Variants in MALRD1 observed in about 807,000 individuals in gnomAD.
MALRD1 encodes the protein MAM and LDL-receptor class A domain-containing protein 1.
Under a neutral mutation model 242.1 loss-of-function variants are expected in MALRD1, and 247 were observed. The ratio of observed to expected loss-of-function variants is 1.02; its 90% CI spans 0.92 to 1.13. The LOEUF (loss-of-function observed/expected upper bound fraction) is 1.13, where lower values mean the gene tolerates loss of function less well. MALRD1 is among the 50% of genes most tolerant of loss of function. The pLI, the probability that MALRD1 is intolerant of heterozygous loss-of-function variation, is 0.00. For synonymous variants in MALRD1, 995 were observed against 866.6 expected (o/e 1.15, Z -2.60); for missense variants, 2,989 against 2,533.1 (o/e 1.18, Z -3.86).
chr10:19,152,861 C>G (rs1833994223), intron 11 of MALRD1, among the ~76,000 whole-genome samples: 1 of 151,938 alleles, frequency 6.6e-6, no homozygotes, highest in Non-Finnish European at 1.5e-5. Flanking sequence ...TAATATTAGT[C>G]TAAGATTATA....
Position 19,560,958 on chromosome 10 carries a change from TA to T in MALRD1, c.5479-6537del, listed in dbSNP as rs1253709108. On this transcript the variant is annotated intron_variant, in intron 32 of 39. Transcript: ENST00000454679. ...ATGTATCCCAAAACTTAAAGTATAA[TA>T]AAAAAATGATAATCATACTAAAGGA... Among the ~76,000 whole-genome samples, 3 of 151,932 alleles carry T rather than the reference TA, an allele frequency of 2.0e-5. No individual in the cohort carries two copies. The East Asian group carries it at 5.8e-4, about 29-fold the overall frequency.
chr10:19,479,773 A>G (rs1455287772), intron 29 of MALRD1, among the ~76,000 whole-genome samples: 1 of 152,132 alleles, frequency 6.6e-6, no homozygotes, highest in African/African-American at 2.4e-5. Flanking sequence ...CGGCTTTTCT[A>G]TTGAATTTAC....
chr10:19,667,508 C>CA, intron 36 of MALRD1, among the ~76,000 whole-genome samples: 1 of 152,120 alleles, frequency 6.6e-6, no homozygotes, highest in Middle Eastern at 3.4e-3. Flanking sequence ...GTCATGGGGA[C>CA]AGATTCTTTG....
At chr10:19,577,292 G>T (rs76117658) in intron 33 of MALRD1, among the ~76,000 whole-genome samples, 1 of 152,160 alleles carries the variant, frequency 6.6e-6, no homozygotes, top group East Asian at 1.9e-4. Flanking sequence ...TATTATTGTG[G>T]GTCATGAAGT....
chr10:19,667,660 G>A (rs545305843), intron 36 of MALRD1, among the ~76,000 whole-genome samples: 53 of 152,058 alleles, frequency 3.5e-4, no homozygotes, highest in Non-Finnish European at 6.0e-4. Flanking sequence ...TGTAATGTGC[G>A]GGCTTCCCCT....
Position 19,155,058 on chromosome 10 carries a change from T to A in MALRD1, c.1559-17T>A. On this transcript the variant is annotated splice_polypyrimidine_tract_variant and intron_variant, in intron 11 of 39. Transcript: ENST00000454679. ...AAGAGAACTTGCATCCCTATGACTT[T>A]CCCTTTGTTTTTTCAGGATCGTTTA... The A allele has an allele frequency of 8.1e-7, 1 of 1,227,778 alleles. No individual in the cohort carries two copies. Among genetic ancestry groups the A allele is most frequent in the Non-Finnish European group, 1.0e-6 (1 of 984,426 alleles). The allele number at this position is 1,227,778 out of a possible 1,614,324, so 76.1% of individuals were successfully genotyped here. A position where few individuals can be genotyped will look rare whatever the true frequency, so the allele number is the denominator to read the frequency against.
chr10:19,437,607 C>T (rs1834402531), intron 28 of MALRD1, among the ~76,000 whole-genome samples: 1 of 152,068 alleles, frequency 6.6e-6, no homozygotes, highest in East Asian at 1.9e-4. Context: ...CTTGTCTTTT[C>T]ACTCACAATA....
chr10:19,705,635 A>G (rs925871805), intron 38 of MALRD1, among the ~76,000 whole-genome samples: 3 of 152,004 alleles, frequency 2.0e-5, no homozygotes, highest in African/African-American at 7.3e-5. Context: ...TTAGGCCACC[A>G]GCATGATTCC....
At chr10:19,242,198 C>A (rs1432798665) in intron 18 of MALRD1, among the ~76,000 whole-genome samples, 1 of 152,068 alleles carries the variant, frequency 6.6e-6, no homozygotes, top group Non-Finnish European at 1.5e-5. Context: ...TGGTAGCAAA[C>A]AAAATAGAAA....
chr10:19,371,472 T>TTTTTG (rs141573039), intron 26 of MALRD1, among the ~76,000 whole-genome samples: 3 of 146,282 alleles, frequency 2.1e-5, no homozygotes, highest in African/African-American at 7.8e-5. Flanking sequence ...AAATTATGTT[T>TTTTTG]TTTTGTTTTG....
At chr10:19,309,802 G>A (rs1300290150) in intron 21 of MALRD1, among the ~76,000 whole-genome samples, 1 of 151,528 alleles carries the variant, frequency 6.6e-6, no homozygotes, top group African/African-American at 2.4e-5. Flanking sequence ...GTAAAGGCTA[G>A]GATGGGGGCT....
chr10:19,208,881 T>C (rs1836909166), intron 17 of MALRD1, among the ~76,000 whole-genome samples: 1 of 152,206 alleles, frequency 6.6e-6, no homozygotes, highest in Non-Finnish European at 1.5e-5. Context: ...TGTTTTTTAA[T>C]GTTCCCTGGT....
chr10:19,116,964 G>C (rs552285350), intron 5 of MALRD1, among the ~76,000 whole-genome samples: 16 of 151,842 alleles, frequency 1.1e-4, no homozygotes, highest in Admixed American at 2.6e-4. Flanking sequence ...GCGTGGTGGC[G>C]GGCCCCTGTA....
chr10:19,442,032 G>A (rs550802206), intron 28 of MALRD1, among the ~76,000 whole-genome samples: 192 of 152,086 alleles, frequency 1.3e-3, no homozygotes, highest in South Asian at 8.1e-3. Context: ...GTAGTTCTCC[G>A]TGAAGAAGTC....
intron 14 of MALRD1, among the ~76,000 whole-genome samples, chr10:19,203,494 A>G (rs1315222713): frequency 1.3e-5 from 2 of 152,180 alleles, no homozygotes; most frequent in East Asian, 3.9e-4. Flanking sequence ...GAATATTCGG[A>G]AAAAAATTGT....
At chr10:19,240,879 A>C (rs1422515746) in intron 18 of MALRD1, among the ~76,000 whole-genome samples, 1 of 151,970 alleles carries the variant, frequency 6.6e-6, no homozygotes, top group Non-Finnish European at 1.5e-5. Context: ...TGATTTGTGC[A>C]TGTTAAGCCA....
At chr10:19,702,367 C>T (rs187727427) in intron 38 of MALRD1, among the ~76,000 whole-genome samples, 87 of 152,242 alleles carry the variant, frequency 5.7e-4, no homozygotes, top group East Asian at 2.1e-3. Flanking sequence ...GCTATTCAAC[C>T]GCACATATAT....
intron 36 of MALRD1, among the ~76,000 whole-genome samples, chr10:19,635,596 G>T (rs150227168): frequency 6.6e-6 from 1 of 152,250 alleles, no homozygotes; most frequent in East Asian, 1.9e-4. Flanking sequence ...CAGAAGAACA[G>T]TGATGATATA....
At chr10:19,133,140 T>C (rs964369449) in intron 8 of MALRD1, among the ~76,000 whole-genome samples, 4 of 152,122 alleles carry the variant, frequency 2.6e-5, no homozygotes, top group Non-Finnish European at 5.9e-5. Flanking sequence ...AGTTTCACCA[T>C]AGACTTTTAT....
Sources: allele counts gnomAD v4.1 joint callset (sites outside exome capture counted in the v4.1 genomes callset), GRCh38; gene constraint gnomAD v4.1.1; transcripts MANE v1.5; gene names NCBI Gene and HGNC (gene_info 2026-07-23, HGNC 2026-07-21).